FSCN2: variants seen among roughly 807,000 people sequenced by gnomAD.
FSCN2 encodes fascin actin-bundling protein 2, retinal, also known as fascin-2.
A neutral mutation model predicts 37.8 loss-of-function variants in FSCN2; 46 were observed. The observed-to-expected ratio is 1.22, with a 90% CI of 0.96 to 1.56. The LOEUF is 1.56. FSCN2 is among the 40% of genes most tolerant of loss of function. The pLI, the probability that FSCN2 is intolerant of heterozygous loss-of-function variation, is 0.00. For synonymous variants in FSCN2, 351 were observed against 309.4 expected (o/e 1.13, Z -1.41); for missense variants, 844 against 730.4 (o/e 1.16, Z -1.79).
intron 1 of FSCN2, among the ~76,000 whole-genome samples, chr17:81,531,192 ATGGTGG>A (rs1461750782): frequency 4.0e-5 from 4 of 99,390 alleles, no homozygotes; most frequent in African/African-American, 1.5e-4. Flanking sequence ...GATGGTGGTG[ATGGTGG>A]TGATGGTGGT....
At position 81,536,733 on chromosome 17, in the gene FSCN2, G is replaced by C. The variant is rs750102960; in HGVS notation, c.1217G>C (p.Arg406Pro). The C allele has an allele frequency of 1.2e-5, 19 of 1,610,954 alleles. No homozygotes were observed. Among genetic ancestry groups the C allele is most frequent in the Non-Finnish European group, 1.0e-5 (12 of 1,179,328 alleles). ...HRGSNQLDTNRSVYDVFHLSF... is the reference protein window; with the variant it reads ...HRGSNQLDTNPSVYDVFHLSF... The stretch of plus-strand genomic sequence containing the variant: ...GGCTCCAACCAGCTGGACACCAACC[G>C]CTCCGTCTACGACGTCTTCCACCTG... Residue 406 changes from arginine (R) to proline (P), a missense_variant, in exon 4 of 5, where the codon CGC becomes CCC. Transcript: ENST00000417245.
upstream of FSCN2, among the ~76,000 whole-genome samples, chr17:81,526,425 G>A (rs368185359): frequency 1.6e-4 from 25 of 152,328 alleles, no homozygotes; most frequent in East Asian, 1.3e-3. Flanking sequence ...GAGGTCAGGA[G>A]TTCGAGACCA....
chr17:81,517,768 C>G, the FSCN2 span, among the ~76,000 whole-genome samples: 7 of 150,786 alleles, frequency 4.6e-5, no homozygotes, highest in East Asian at 1.9e-4. Context: ...CCGCCCCCCC[C>G]CCCTCCAGTC....
the FSCN2 span, among the ~76,000 whole-genome samples, chr17:81,518,121 C>G: frequency 6.6e-6 from 1 of 152,164 alleles, no homozygotes; most frequent in Non-Finnish European, 1.5e-5. Context: ...TGGAGGCCCA[C>G]AGAGTGGGCG....
chr17:81,531,240 GTGA>G (rs60042828), intron 1 of FSCN2, among the ~76,000 whole-genome samples: 11 of 134,014 alleles, frequency 8.2e-5, no homozygotes, highest in South Asian at 7.5e-4. Context: ...GGTGATGGTG[GTGA>G]TGATGGTGAT....
the FSCN2 span, among the ~76,000 whole-genome samples, chr17:81,520,167 A>G: frequency 6.6e-6 from 1 of 152,124 alleles, no homozygotes; most frequent in Non-Finnish European, 1.5e-5. Flanking sequence ...CAGAGGGGGC[A>G]CTGCCGGACA....
At position 81,528,456 on chromosome 17, in the gene FSCN2, T is replaced by C. The variant is rs1442441669; in HGVS notation, c.-76T>C. 2 of 1,163,536 alleles carry C rather than the reference T, an allele frequency of 1.7e-6. No individual in the cohort carries two copies. The highest frequency in any genetic ancestry group is 3.1e-5 in the African/African-American group (2 of 65,394). The allele number at this position is 1,163,536 out of a possible 1,614,324, so 72.1% of individuals were successfully genotyped here. On this transcript the variant is annotated 5_prime_UTR_variant, in exon 1 of 5. Transcript: ENST00000417245. The stretch of plus-strand genomic sequence containing the variant: ...GTGGGCCAGCCGAGCCGACCCGGGC[T>C]TCTGGGGGACCGCGGGGGCCGTGAG...
chr17:81,520,725 T>C, the FSCN2 span, among the ~76,000 whole-genome samples: 1 of 152,196 alleles, frequency 6.6e-6, no homozygotes, highest in African/African-American at 2.4e-5. Flanking sequence ...AGAGTCCAGG[T>C]GTTGTGTTTC....
upstream of FSCN2, among the ~76,000 whole-genome samples, chr17:81,525,237 C>T (rs907145415): frequency 6.7e-5 from 10 of 150,210 alleles, no homozygotes; most frequent in Non-Finnish European, 1.3e-4. Flanking sequence ...ACCATGCTGG[C>T]CAACATGGTG....
intron 1 of FSCN2, among the ~76,000 whole-genome samples, chr17:81,532,862 T>C (rs1297026343): frequency 6.6e-6 from 1 of 152,114 alleles, no homozygotes; most frequent in Non-Finnish European, 1.5e-5. Context: ...TCTGACCCTA[T>C]CATCCCTTTG....
intron 1 of FSCN2, among the ~76,000 whole-genome samples, chr17:81,532,067 AGTGATGGTG>A (rs1568078616): frequency 5.3e-5 from 2 of 37,438 alleles, no homozygotes; most frequent in African/African-American, 1.2e-4. Context: ...TGGTGATGAT[AGTGATGGTG>A]GTGATGGTGA....
At chr17:81,526,349 A>G (rs2032350124), upstream of FSCN2, among the ~76,000 whole-genome samples, 1 of 152,212 alleles carries the variant, frequency 6.6e-6, no homozygotes, top group Non-Finnish European at 1.5e-5. Flanking sequence ...ATCCAACGGG[A>G]GGCCGGGCGC....
Position 81,529,228 on chromosome 17 carries a change from G to A in FSCN2, c.697G>A (p.Gly233Arg). 1.9e-6 allele frequency: 3 copies of A among 1,599,104 alleles called. No individual in the cohort carries two copies. The highest frequency in any genetic ancestry group is 2.3e-5 in the East Asian group (1 of 44,296). The change falls in exon 1 of 5, where the codon GGG becomes AGG. Residue 233 changes from glycine to arginine, a missense_variant. Physicochemically the swap from Gly to Arg is moderately radical, Grantham distance 125. Transcript: ENST00000417245. ...CGACGGCCACTACCTGGCACCCGTG[G>A]GGCCCGCAGGCACCCTCAAGGCCGG... ...DCDGHYLAPV[G>R]PAGTLKAGRN...
chr17:81,531,666 A>ATGG (rs2032617442), intron 1 of FSCN2, among the ~76,000 whole-genome samples: 1 of 69,568 alleles, frequency 1.4e-5, no homozygotes, highest in Non-Finnish European at 2.9e-5. Flanking sequence ...GATGGTGATG[A>ATGG]TGATGGTGAT....
upstream of FSCN2, chr17:81,523,915 C>A (rs559857680): frequency 5.1e-4 from 78 of 152,564 alleles, no homozygotes; most frequent in African/African-American, 1.8e-3. Context: ...GGCATCCAGC[C>A]TGGAGCACGT....
chr17:81,530,526 T>C, intron 1 of FSCN2: 2 of 456,090 alleles, frequency 4.4e-6, no homozygotes, highest in African/African-American at 2.0e-5. Flanking sequence ...GGAGGTGGTC[T>C]GAAAAGGCGA....
chr17:81,531,336 A>ATGGTGGTGGTGGTGGTGG (rs1555671268), intron 1 of FSCN2, among the ~76,000 whole-genome samples: 1 of 45,424 alleles, frequency 2.2e-5, no homozygotes, highest in African/African-American at 9.1e-5. Flanking sequence ...GGTGGTGGTG[A>ATGGTGGTGGTGGTGGTGG]TGGTGGTGGT....
chr17:81,522,657 C>CTG, the FSCN2 span, among the ~76,000 whole-genome samples: 7 of 152,060 alleles, frequency 4.6e-5, no homozygotes, highest in Admixed American at 2.6e-4. Context: ...GTATGTACAC[C>CTG]TGTGTGTGTG....
At chr17:81,515,428 C>G in the FSCN2 span, among the ~76,000 whole-genome samples, 1 of 152,342 alleles carries the variant, frequency 6.6e-6, no homozygotes, top group South Asian at 2.1e-4. Context: ...CTTCACATTT[C>G]AGGAAGGGAG....
Sources: allele counts gnomAD v4.1 joint callset (sites outside exome capture counted in the v4.1 genomes callset), GRCh38; gene constraint gnomAD v4.1.1; transcripts MANE v1.5; gene names NCBI Gene and HGNC (gene_info 2026-07-23, HGNC 2026-07-21).